The following ITPR1 variants were observed in gnomAD, a reference collection of about 807,000 sequenced individuals.
ITPR1 encodes the protein inositol 1,4,5-trisphosphate-gated calcium channel ITPR1.
Under a neutral mutation model 318.4 loss-of-function variants are expected in ITPR1, and 96 were observed. That is an observed-to-expected ratio of 0.30 (90% CI 0.26 to 0.36). The LOEUF (loss-of-function observed/expected upper bound fraction) is 0.36, where lower values mean the gene tolerates loss of function less well. Ranked by LOEUF, ITPR1 falls within the 10% of genes least tolerant of loss-of-function variation. The pLI is 1.00. For missense variants in ITPR1, 2,440 were observed against 3,460.2 expected (o/e 0.71, Z 7.40); for synonymous variants, 1,312 against 1,289.9 (o/e 1.02, Z -0.37).
At chr3:4,754,923 G>T (rs1295196591) in intron 44 of ITPR1, among the ~76,000 whole-genome samples, 1 of 152,236 alleles carries the variant, frequency 6.6e-6, no homozygotes, top group African/African-American at 2.4e-5. Context: ...TTGGCTGGAA[G>T]AGACAGACGG....
At chr3:4,584,957 G>T (rs1211441818) in intron 4 of ITPR1, among the ~76,000 whole-genome samples, 1 of 152,168 alleles carries the variant, frequency 6.6e-6, no homozygotes, top group African/African-American at 2.4e-5. Context: ...CAGAAGGGTA[G>T]CTTTTGAATG....
chr3:4,585,500 G>A (rs1473015229), intron 4 of ITPR1, among the ~76,000 whole-genome samples: 3 of 151,990 alleles, frequency 2.0e-5, no homozygotes, highest in East Asian at 1.9e-4. Flanking sequence ...GCAGTGGTAC[G>A]ATCCCAGCTC....
intron 50 of ITPR1, among the ~76,000 whole-genome samples, chr3:4,783,337 T>C (rs1325573281): frequency 6.6e-6 from 1 of 152,142 alleles, no homozygotes; most frequent in Admixed American, 6.5e-5. Flanking sequence ...AGCCTTGTGT[T>C]TCCTGTCCCG....
At chr3:4,512,828 G>C (rs2081933449) in intron 2 of ITPR1, among the ~76,000 whole-genome samples, 1 of 152,044 alleles carries the variant, frequency 6.6e-6, no homozygotes, top group African/African-American at 2.4e-5. Context: ...GTTGTGGTGG[G>C]CTCCTAATAA....
chr3:4,549,180 T>C (rs1370611183), intron 4 of ITPR1, among the ~76,000 whole-genome samples: 1 of 152,200 alleles, frequency 6.6e-6, no homozygotes, highest in African/African-American at 2.4e-5. Flanking sequence ...TGCCTTATAA[T>C]ACATAGTTTA....
intron 2 of ITPR1, among the ~76,000 whole-genome samples, chr3:4,512,925 G>A (rs1446328225): frequency 2.3e-5 from 3 of 128,936 alleles, no homozygotes; most frequent in South Asian, 3.0e-4. Context: ...GCCTGCCCTC[G>A]TGTATGTCAG....
At chr3:4,845,448 G>A (rs1022969984) in intron 61 of ITPR1, among the ~76,000 whole-genome samples, 3 of 152,088 alleles carry the variant, frequency 2.0e-5, no homozygotes, top group South Asian at 2.1e-4. Flanking sequence ...GAATAGAATC[G>A]GCTTCTTGTT....
intron 57 of ITPR1, among the ~76,000 whole-genome samples, chr3:4,813,946 G>T (rs572573872): frequency 6.6e-6 from 1 of 152,328 alleles, no homozygotes; most frequent in South Asian, 2.1e-4. Flanking sequence ...GCATAAACCA[G>T]TGAGAATGAA....
chr3:4,648,289 G>T (rs969802890), intron 10 of ITPR1, among the ~76,000 whole-genome samples: 7 of 151,820 alleles, frequency 4.6e-5, no homozygotes, highest in Non-Finnish European at 8.8e-5. Flanking sequence ...CTCTCTACAT[G>T]CATTTGCCCT....
chr3:4,513,108 C>T lies in ITPR1; in HGVS notation c.-16-3368C>T, dbSNP rs145459245. Among the ~76,000 whole-genome samples the T allele has an allele frequency of 4.2e-3, 638 of 152,250 alleles. 2 individuals carry two copies. Among genetic ancestry groups the T allele is most frequent in the Non-Finnish European group, 6.6e-3 (449 of 68,020 alleles). On this transcript the variant is annotated intron_variant, in intron 2 of 61. Transcript: ENST00000649015. ...GAAGTTCACAGGCACAAATGGTCCACGATCAGATAAAGAGGCGGGCTCTCC... is the reference window on the plus strand; with the variant it reads ...GAAGTTCACAGGCACAAATGGTCCATGATCAGATAAAGAGGCGGGCTCTCC...
chr3:4,503,958 G>T (rs1045877934), intron 2 of ITPR1, among the ~76,000 whole-genome samples: 2 of 151,982 alleles, frequency 1.3e-5, no homozygotes, highest in African/African-American at 2.4e-5. Flanking sequence ...CACTGGCCTT[G>T]GTATCTGGAG....
intron 3 of ITPR1, 91 bp downstream of exon 3, chr3:4,516,674 A>C (rs1375634769): frequency 1.2e-6 from 1 of 826,082 alleles, no homozygotes; most frequent in Non-Finnish European, 2.0e-6. Flanking sequence ...TAAGAACGTC[A>C]CCGTTTTACT....
intron 1 of ITPR1, among the ~76,000 whole-genome samples, chr3:4,494,087 G>A (rs1316261985): frequency 1.3e-5 from 2 of 152,216 alleles, no homozygotes; most frequent in African/African-American, 4.8e-5. Context: ...TGTGGACGAA[G>A]CTCATGTCCA....
chr3:4,586,943 C>A (rs4684424), intron 4 of ITPR1, among the ~76,000 whole-genome samples: 30,189 of 151,914 alleles, frequency 0.2, 4,134 homozygotes, highest in East Asian at 0.41. Flanking sequence ...GGTAGGTCTC[C>A]GACCTGCGGG....
chr3:4,711,574 C>G, intron 38 of ITPR1, 183 bp from the exon 39 acceptor site: 1 of 569,742 alleles, frequency 1.8e-6, no homozygotes, highest in Non-Finnish European at 3.1e-6. Context: ...GCAGGTGTCA[C>G]TATTGAGACA....
intron 51 of ITPR1, 108 bp downstream of exon 51, chr3:4,784,028 AGT>A (rs1053371746): frequency 1.2e-5 from 9 of 761,276 alleles, no homozygotes; most frequent in Non-Finnish European, 2.0e-5. Context: ...TGGAAATGTG[AGT>A]GTGTACTGTG....
chr3:4,693,543 C>G lies in ITPR1; in HGVS notation c.4083C>G (p.Phe1361Leu), dbSNP rs763239856. Reference protein sequence around the residue: ...VLVFYNDRASFQTLIQMMRSE... With the variant: ...VLVFYNDRASLQTLIQMMRSE... ...TGTTCTACAACGACAGAGCCTCTTT[C>G]CAGACTCTGATCCAGATGATGCGGT... Residue 1361 changes from phenylalanine (F) to leucine (L), a missense_variant, in exon 33 of 62, where the codon TTC (phenylalanine) becomes TTG (leucine). Phe to Leu is a conservative substitution (Grantham distance 22). Around this residue, in one of 23 missense-constraint regions of ITPR1, gnomAD observed 222 missense variants for 318.8 expected, o/e 0.70. Coordinates refer to ENST00000649015, the MANE Select transcript of ITPR1 (RefSeq NM_001378452.1). 6.2e-7 allele frequency: 1 copy of G among 1,613,940 alleles called. No individual in the cohort carries two copies. The highest frequency in any genetic ancestry group is 8.5e-7 in the Non-Finnish European group (1 of 1,179,830).
chr3:4,586,034 C>G (rs958948352), intron 4 of ITPR1, among the ~76,000 whole-genome samples: 4 of 151,524 alleles, frequency 2.6e-5, no homozygotes, highest in Non-Finnish European at 4.4e-5. Context: ...GTTTTCTGTC[C>G]TTGTGATAGT....
rs548896385 is a variant in ITPR1, at chr3:4,698,039, T to G, written c.4407+767T>G. On this transcript the variant is annotated intron_variant, in intron 34 of 61. Coordinates refer to ENST00000649015, the MANE Select transcript of ITPR1 (RefSeq NM_001378452.1). The stretch of plus-strand genomic sequence containing the variant: ...TCCTGGCTCAGCCTCAAGAGTGGCC[T>G]TAAGATACTTCATTTGGTTTTGCAT... Among the ~76,000 whole-genome samples, 192 of 152,316 alleles carry G rather than the reference T, an allele frequency of 1.3e-3. 1 individual carries two copies. The highest frequency in any genetic ancestry group is 7.4e-4 in the Non-Finnish European group (50 of 68,024).
Sources: gnomAD v4.1 joint callset for allele counts (sites outside exome capture counted in the v4.1 genomes callset) on GRCh38, gnomAD v4.1.1 for gene constraint, gnomAD v4.1.1 regional missense constraint, MANE v1.5 for transcripts, NCBI Gene and HGNC (gene_info 2026-07-23, HGNC 2026-07-21) for gene names.